Variants in KRIT1 observed in about 807,000 individuals in gnomAD.
KRIT1 encodes the protein krev interaction trapped protein 1.
Under a neutral mutation model 95.8 loss-of-function variants are expected in KRIT1, and 45 were observed. The ratio of observed to expected loss-of-function variants is 0.47; its 90% confidence interval spans 0.37 to 0.60. The LOEUF is 0.60. Ranked by LOEUF, KRIT1 falls within the 20% of genes least tolerant of loss-of-function variation. The pLI is 0.00. For synonymous variants in KRIT1, 282 were observed against 278.8 expected (o/e 1.01, Z -0.11); for missense variants, 788 against 877.5 (o/e 0.90, Z 1.29).
rs1427444840 is a variant in KRIT1, at chr7:92,235,411, T to C, written c.721A>G (p.Thr241Ala). ...ATTCATTCAACTCTTACCCGATTTG[T>C]ATACTGAAGATCTGATCCAAACAAA... ...NPLFGSDLQY[T>A]NRVDKVVINP... The change falls in exon 8 of 19, where the codon ACA (threonine) becomes GCA (alanine). Residue 241 changes from threonine to alanine, a missense_variant. This residue lies in a region of KRIT1 where 6 missense variants were observed against 17.8 expected (regional missense o/e 0.34). Coordinates refer to ENST00000394505, the MANE Select transcript of KRIT1 (RefSeq NM_194454.3). The C allele has an allele frequency of 1.9e-6, 3 of 1,613,828 alleles. No homozygotes were observed. The highest frequency in any genetic ancestry group is 1.7e-4 in the Middle Eastern group (1 of 6,046).
intron 17 of KRIT1, among the ~76,000 whole-genome samples, chr7:92,210,022 G>A (rs1461103743): frequency 7.9e-5 from 12 of 152,048 alleles, no homozygotes; most frequent in African/African-American, 2.9e-4. Context: ...GCAGTGAGCC[G>A]AGATCACGCC....
intron 4 of KRIT1, 106 bp from the exon 5 acceptor site, chr7:92,241,258 A>C (rs1799575651): frequency 1.2e-6 from 1 of 859,854 alleles, no homozygotes; most frequent in Admixed American, 2.2e-5. Context: ...ATATTAGAAT[A>C]ATTTGGGAAG....
At chr7:92,202,403 G>A (rs1485156799) in intron 17 of KRIT1, 1 of 152,172 alleles carries the variant, frequency 6.6e-6, no homozygotes, top group Non-Finnish European at 1.5e-5. Context: ...CTGTATATAA[G>A]CAGACATTCA....
rs768699404 is a variant in KRIT1 at position 92,199,834 on chromosome 7, G to A, written c.*902C>T. 4.6e-5 allele frequency: 7 copies of A among 152,048 alleles called. No homozygotes were observed. The highest frequency in any genetic ancestry group is 8.8e-5 in the Non-Finnish European group (6 of 68,004). The allele number at this position is 152,048 out of a possible 1,614,324, so 9.4% of individuals were successfully genotyped here. A position where few individuals can be genotyped will look rare whatever the true frequency, so the allele number is the denominator to read the frequency against. ...AGAGTGAATGCCCTTGTTTAGAATG[G>A]GTCTCTGAAATCTTCATTTTTAAGA... On this transcript the variant is annotated 3_prime_UTR_variant, in exon 19 of 19. Transcript: ENST00000394505.
intron 14 of KRIT1, among the ~76,000 whole-genome samples, chr7:92,220,112 G>A (rs1794824243): frequency 6.6e-6 from 1 of 152,134 alleles, no homozygotes; most frequent in Non-Finnish European, 1.5e-5. Context: ...CTTATCTTAG[G>A]AGGACAGTTT....
At chr7:92,242,314 C>A (rs1015481949) in intron 3 of KRIT1, among the ~76,000 whole-genome samples, 177 bp from the exon 4 acceptor site, 5 of 152,042 alleles carry the variant, frequency 3.3e-5, no homozygotes, top group African/African-American at 1.2e-4. Context: ...AAAAGGCAAG[C>A]CAGGAATGAC....
chr7:92,223,046 C>A, intron 12 of KRIT1, 68 bp from the exon 13 acceptor site: 1 of 967,004 alleles, frequency 1.0e-6, no homozygotes, highest in East Asian at 2.4e-5. Flanking sequence ...AAGATACTTT[C>A]CTTCAACTTC....
At chr7:92,234,734 A>AT in intron 9 of KRIT1, 74 bp downstream of exon 9, 1 of 1,142,912 alleles carries the variant, frequency 8.7e-7, no homozygotes, top group East Asian at 2.4e-5. Context: ...AATTGCATAT[A>AT]TAATTTTAAA....
chr7:92,234,864 G>A lies in KRIT1; in HGVS notation c.789C>T (p.Ile263=), dbSNP rs1368571975. ...GCCATTTTTCCTGTTTAGGTATTTG[G>A]ATTTTTGAGTAGTCTGGAGCTCCTA... ...FGLGAPDYSK[I]QIPKQEKWQR... Residue 263 remains isoleucine, a synonymous_variant, in exon 9 of 19, where the codon ATC becomes ATT. Coordinates refer to ENST00000394505, the MANE Select transcript of KRIT1 (RefSeq NM_194454.3). 1.9e-6 allele frequency: 3 copies of A among 1,610,300 alleles called. 1 individual carries two copies. Among genetic ancestry groups the A allele is most frequent in the South Asian group, 2.2e-5 (2 of 90,982 alleles).
At chr7:92,245,533 C>T (rs1342446817) in intron 1 of KRIT1, 2 of 151,582 alleles carry the variant, frequency 1.3e-5, no homozygotes, top group African/African-American at 2.4e-5. Context: ...AGGTCCCACC[C>T]GTACGGGCTG....
intron 14 of KRIT1, among the ~76,000 whole-genome samples, chr7:92,218,929 T>A (rs1794556832): frequency 6.6e-6 from 1 of 152,188 alleles, no homozygotes; most frequent in South Asian, 2.1e-4. Context: ...GTCATGAAGA[T>A]TTATCCCTTT....
chr7:92,202,719 C>T (rs911775162), intron 17 of KRIT1, among the ~76,000 whole-genome samples: 5 of 151,730 alleles, frequency 3.3e-5, no homozygotes, highest in African/African-American at 7.3e-5. Context: ...AGTGAGACTC[C>T]GTCTAAATAA....
Position 92,207,885 on chromosome 7 carries a change from A to G in KRIT1, c.2025+5310T>C, listed in dbSNP as rs181035813. On this transcript the variant is annotated intron_variant, in intron 17 of 18. Coordinates refer to ENST00000394505, the MANE Select transcript of KRIT1 (RefSeq NM_194454.3). ...AAAAAATATAAACAAACAAATAAAT[A>G]AATAAATGGATCTAACAGACATTTA... 2.4e-4 allele frequency among the ~76,000 whole-genome samples: 37 copies of G among 152,260 alleles called. No homozygotes were observed. In the East Asian group the frequency reaches 6.4e-3, roughly 26 times the overall value.
intron 12 of KRIT1, among the ~76,000 whole-genome samples, chr7:92,223,232 A>G (rs563478617): frequency 6.1e-4 from 91 of 149,562 alleles, no homozygotes; most frequent in African/African-American, 2.1e-3. Context: ...GCTCGAGACC[A>G]TCCTGGCTAA....
intron 17 of KRIT1, among the ~76,000 whole-genome samples, chr7:92,203,097 G>C (rs1790581515): frequency 6.6e-6 from 1 of 152,140 alleles, no homozygotes; most frequent in Non-Finnish European, 1.5e-5. Flanking sequence ...TCCAACAAAA[G>C]TACTGAGCCT....
At chr7:92,207,942 A>G (rs1791933126) in intron 17 of KRIT1, among the ~76,000 whole-genome samples, 1 of 152,174 alleles carries the variant, frequency 6.6e-6, no homozygotes, top group African/African-American at 2.4e-5. Context: ...TGCAGAACAC[A>G]CATTCTCCAG....
At chr7:92,226,406 G>A (rs1796217807) in intron 11 of KRIT1, 120 bp downstream of exon 11, 1 of 779,936 alleles carries the variant, frequency 1.3e-6, no homozygotes, top group Non-Finnish European at 2.2e-6. Flanking sequence ...ATTCTATAAA[G>A]TAATGGAATT....
intron 12 of KRIT1, among the ~76,000 whole-genome samples, chr7:92,224,234 G>A (rs965509383): frequency 6.6e-6 from 1 of 152,110 alleles, no homozygotes; most frequent in Non-Finnish European, 1.5e-5. Context: ...TAGGTAAATG[G>A]GTTATATCTG....
intron 14 of KRIT1, among the ~76,000 whole-genome samples, chr7:92,218,228 A>T (rs2131376667): frequency 6.6e-6 from 1 of 151,760 alleles, no homozygotes; most frequent in African/African-American, 2.4e-5. Flanking sequence ...TTAAAAAAAA[A>T]CAAAGACAAA....
Sources: gnomAD v4.1 joint callset for allele counts (sites outside exome capture counted in the v4.1 genomes callset) on GRCh38, gnomAD v4.1.1 for gene constraint, gnomAD v4.1.1 regional missense constraint, MANE v1.5 for transcripts, NCBI Gene and HGNC (gene_info 2026-07-23, HGNC 2026-07-21) for gene names.